The following KIRREL2 variants were observed in gnomAD, a reference collection of about 807,000 sequenced individuals.
KIRREL2 encodes the protein kin of IRRE-like protein 2.
KIRREL2 carries 56 observed loss-of-function variants against 73.4 expected under a neutral mutation model. The ratio of observed to expected loss-of-function variants is 0.76; its 90% CI spans 0.62 to 0.95. KIRREL2 has a LOEUF of 0.95. KIRREL2 is among the 40% of genes least tolerant of loss of function. The pLI, the probability that KIRREL2 is intolerant of heterozygous loss-of-function variation, is 0.00. For synonymous variants in KIRREL2, 407 were observed against 404.0 expected (o/e 1.01, Z -0.09); for missense variants, 896 against 935.0 (o/e 0.96, Z 0.54).
chr19:35,861,899 G>C lies in KIRREL2; in HGVS notation c.1385G>C (p.Gly462Ala). The C allele has an allele frequency of 6.2e-7, 1 of 1,606,044 alleles. No individual in the cohort carries two copies. Among genetic ancestry groups the C allele is most frequent in the Non-Finnish European group, 8.5e-7 (1 of 1,176,712 alleles). ...GCCCCAGAGAGCCGCGGGGGACTGG[G>C]TCCGGGCCTGATCTCTGTGCTACAC... ...FPAPESRGGL[G>A]PGLISVLHIS... The change falls in exon 11 of 15, where the codon GGT becomes GCT. Residue 462 changes from glycine to alanine, a missense_variant. Physicochemically the swap from Gly to Ala is moderately conservative, Grantham distance 60. Transcript: ENST00000360202.
chr19:35,853,675 T>A (rs1225971859), upstream of KIRREL2, among the ~76,000 whole-genome samples: 2 of 151,644 alleles, frequency 1.3e-5, no homozygotes, highest in Non-Finnish European at 2.9e-5. Context: ...GCTAATTTTT[T>A]AAAATTTGTT....
chr19:35,858,340 T>C, intron 2 of KIRREL2, 68 bp from the exon 3 acceptor site: 1 of 1,564,888 alleles, frequency 6.4e-7, no homozygotes, highest in East Asian at 2.3e-5. Context: ...GGAGGATGTC[T>C]GGGGATGGAG....
upstream of KIRREL2, among the ~76,000 whole-genome samples, chr19:35,854,853 C>T (rs181467801): frequency 2.3e-3 from 347 of 152,246 alleles, 2 homozygotes; most frequent in African/African-American, 7.6e-3. Context: ...CTGACCACGC[C>T]TCTTTCTCTT....
chr19:35,865,104 A>C (rs1973910663), intron 14 of KIRREL2, among the ~76,000 whole-genome samples: 1 of 149,220 alleles, frequency 6.7e-6, no homozygotes, highest in South Asian at 2.1e-4. Flanking sequence ...ACTCCAGGCC[A>C]TCCCCAGGCC....
chr19:35,864,175 T>TG (rs1973849125), intron 13 of KIRREL2, among the ~76,000 whole-genome samples: 3 of 140,972 alleles, frequency 2.1e-5, no homozygotes, highest in African/African-American at 5.7e-5. Context: ...CACAGCCCGT[T>TG]TTTGTTGTTG....
chr19:35,866,310 G>A lies in KIRREL2; in HGVS notation c.1945G>A (p.Val649Ile), dbSNP rs200265089. ...TGACTTCAACCCACACCTGGGCATG[G>A]TCCCCCCCTGCAGACTTTACAGAGC... ...FYDFNPHLGM[V>I]PPCRLYRARA... Residue 649 changes from valine (V) to isoleucine (I), a missense_variant, in exon 15 of 15, where the codon GTC becomes ATC. Transcript: ENST00000360202. 6 of 1,611,842 alleles carry A rather than the reference G, an allele frequency of 3.7e-6. No individual in the cohort carries two copies. Among genetic ancestry groups the A allele is most frequent in the Non-Finnish European group, 5.1e-6 (6 of 1,178,504 alleles).
chr19:35,857,149 C>G lies in KIRREL2; in HGVS notation c.30C>G (p.Leu10=), dbSNP rs762743331. The G allele has an allele frequency of 3.7e-6, 6 of 1,612,998 alleles. No homozygotes were observed. The highest frequency in any genetic ancestry group is 5.1e-6 in the Non-Finnish European group (6 of 1,179,896). The change falls in exon 1 of 15, where the codon CTC becomes CTG. Residue 10 remains leucine (L), a synonymous_variant. Coordinates refer to ENST00000360202, the MANE Select transcript of KIRREL2 (RefSeq NM_199180.4). ...TCAGGATGCGGGTCCCCGCCCTCCTCGTCCTCCTCTTCTGCTTCAGAGGGA... is the reference window on the plus strand; with the variant it reads ...TCAGGATGCGGGTCCCCGCCCTCCTGGTCCTCCTCTTCTGCTTCAGAGGGA... MLRMRVPAL[L]VLLFCFRGRA...
intron 13 of KIRREL2, among the ~76,000 whole-genome samples, chr19:35,863,423 C>A (rs1200760526): frequency 7.8e-6 from 1 of 128,976 alleles, no homozygotes; most frequent in Non-Finnish European, 1.6e-5. Flanking sequence ...ACCCTGTCTC[C>A]ATTTTTTTTT....
At position 35,858,527 on chromosome 19, in the gene KIRREL2, C is replaced by A. The variant is rs139225420; in HGVS notation, c.331C>A (p.Arg111Ser). 5 of 1,614,050 alleles carry A rather than the reference C, an allele frequency of 3.1e-6. No individual in the cohort carries two copies. The highest frequency in any genetic ancestry group is 3.4e-6 in the Non-Finnish European group (4 of 1,180,038). The change falls in exon 3 of 15, where the codon CGC becomes AGC. Residue 111 changes from arginine (R) to serine (S), a missense_variant. Physicochemically the swap from Arg to Ser is moderately radical, Grantham distance 110. Transcript: ENST00000360202. Reference protein sequence around the residue: ...YECQATQAGLRSRPAQLHVLV... With the variant: ...YECQATQAGLSSRPAQLHVLV... ...ATGTCAGGCTACACAAGCAGGCCTC[C>A]GCTCCAGACCAGCCCAACTGCACGT...
chr19:35,862,915 G>C lies in KIRREL2; in HGVS notation c.1616-12G>C. 2 of 1,524,800 alleles carry C rather than the reference G, an allele frequency of 1.3e-6. No homozygotes were observed. Among genetic ancestry groups the C allele is most frequent in the Non-Finnish European group, 1.8e-6 (2 of 1,120,232 alleles). The allele number at this position is 1,524,800 out of a possible 1,614,324, so 94.5% of individuals were successfully genotyped here. On this transcript the variant is annotated splice_polypyrimidine_tract_variant and intron_variant, in intron 12 of 14. Coordinates refer to ENST00000360202, the MANE Select transcript of KIRREL2 (RefSeq NM_199180.4). ...CGCCCATCGCTTAACTCCACCGGTC[G>C]CTGTTTGTCAGCCTCAGCCTCTTTC...
At chr19:35,861,453 G>C in intron 9 of KIRREL2, 88 bp from the exon 10 acceptor site, 1 of 1,477,178 alleles carries the variant, frequency 6.8e-7, no homozygotes, top group Non-Finnish European at 9.3e-7. Context: ...TGAGGTTAGC[G>C]GAGAGTGCGC....
intron 2 of KIRREL2, 98 bp from the exon 3 acceptor site, chr19:35,858,310 G>C: frequency 7.1e-7 from 1 of 1,414,014 alleles, no homozygotes. Context: ...ACCACCAAAT[G>C]TGTGGGCCAG....
Position 35,862,927 on chromosome 19 carries a change from C to T in KIRREL2, c.1616C>T (p.Ala539Val). 6.4e-7 allele frequency: 1 copy of T among 1,558,380 alleles called. No homozygotes were observed. ...AACTCCACCGGTCGCTGTTTGTCAG[C>T]CTCAGCCTCTTTCTCCGAGCAAAAG... The part of the protein sequence containing the change: ...VALCCWRHSK[A>V]SASFSEQKNL... Residue 539 changes from alanine to valine, a missense_variant and splice_region_variant, in exon 13 of 15, where the codon GCC becomes GTC. By Grantham distance (64) the Ala-to-Val change is moderately conservative. Coordinates refer to ENST00000360202, the MANE Select transcript of KIRREL2 (RefSeq NM_199180.4).
At chr19:35,856,373 A>G (rs1461823851), upstream of KIRREL2, among the ~76,000 whole-genome samples, 1 of 152,194 alleles carries the variant, frequency 6.6e-6, no homozygotes, top group Admixed American at 6.5e-5. This position sits in a 1 kb window ranked among gnomAD's most constrained non-coding sequence, Gnocchi z 5.9. Context: ...GGGTCTTAGG[A>G]CGTGCTGTAG....
chr19:35,851,488 C>T (rs116288626), upstream of KIRREL2: 19 of 1,613,646 alleles, frequency 1.2e-5, no homozygotes, highest in African/African-American at 6.7e-5. Flanking sequence ...GGCGGTACCT[C>T]GGGAAGCCTG....
Position 35,858,949 on chromosome 19 carries a change from G to A in KIRREL2, c.522+85G>A, listed in dbSNP as rs955118365. 5 of 1,446,008 alleles carry A rather than the reference G, an allele frequency of 3.5e-6. No individual in the cohort carries two copies. The Admixed American group carries it at 7.2e-5, about 21-fold the overall frequency. The allele number at this position is 1,446,008 out of a possible 1,614,324, so 89.6% of individuals were successfully genotyped here. ...GACCACAGGCTCATCCAGAAGAGAAGAAGACATGGGAGGGCAGAGGTTCAT... is the reference window on the plus strand; with the variant it reads ...GACCACAGGCTCATCCAGAAGAGAAAAAGACATGGGAGGGCAGAGGTTCAT... On this transcript the variant is annotated intron_variant, in intron 4 of 14. Coordinates refer to ENST00000360202, the MANE Select transcript of KIRREL2 (RefSeq NM_199180.4).
chr19:35,857,700 T>A (rs941798634), intron 2 of KIRREL2, among the ~76,000 whole-genome samples: 4 of 152,150 alleles, frequency 2.6e-5, no homozygotes, highest in Admixed American at 6.5e-5. Flanking sequence ...AAATAGTACA[T>A]AGGCCAGGTG....
intron 14 of KIRREL2, among the ~76,000 whole-genome samples, chr19:35,865,170 CTTCTTTTTTT>C (rs1009757531): frequency 3.6e-5 from 2 of 56,228 alleles, no homozygotes; most frequent in African/African-American, 1.5e-4. Context: ...CATTCTCTCT[CTTCTTTTTTT>C]TTTTTTTTTT....
upstream of KIRREL2, among the ~76,000 whole-genome samples, chr19:35,855,156 C>T (rs911406487): frequency 6.6e-6 from 1 of 152,048 alleles, no homozygotes; most frequent in Non-Finnish European, 1.5e-5. Context: ...CTCCTCCCAC[C>T]TCCCCTCTCC....
Sources: allele counts gnomAD v4.1 joint callset (sites outside exome capture counted in the v4.1 genomes callset), GRCh38; gene constraint gnomAD v4.1.1; non-coding constraint Gnocchi (gnomAD v3.1); transcripts MANE v1.5; gene names NCBI Gene and HGNC (gene_info 2026-07-23, HGNC 2026-07-21).